The following SYNE2 variants were observed in gnomAD, a reference collection of about 807,000 sequenced individuals.
SYNE2 encodes spectrin repeat containing nuclear envelope protein 2.
In SYNE2, 431 loss-of-function variants were observed where a neutral mutation model predicts 856.3. The observed-to-expected ratio is 0.50, with a 90% CI of 0.47 to 0.55. The LOEUF is 0.55. Among genes scored for constraint, SYNE2 ranks in the 20% least tolerant of loss-of-function variants. The probability of loss-of-function intolerance (pLI) is 0.00; values close to 1 mark genes in which losing one functional copy is unlikely to be tolerated. For synonymous variants in SYNE2, 2,923 were observed against 2,872.3 expected, an observed-to-expected ratio of 1.02 and a Z score of -0.56; for missense variants, 8,129 against 8,023.2, an observed-to-expected ratio of 1.01 and a Z score of -0.50.
intron 1 of SYNE2, among the ~76,000 whole-genome samples, chr14:63,772,673 A>T (rs904241798): frequency 3.4e-5 from 5 of 148,148 alleles, no homozygotes; most frequent in Admixed American, 3.4e-4. Context: ...AACCCGGGAG[A>T]CAGAGGTTTC....
At chr14:64,214,038 G>A in intron 105 of SYNE2, 156 bp from the exon 106 acceptor site, 1 of 1,129,408 alleles carries the variant, frequency 8.9e-7, no homozygotes, top group Non-Finnish European at 1.2e-6. Flanking sequence ...GGAATAACCA[G>A]AAACAGGACC....
chr14:64,225,201 T>C, intron 115 of SYNE2, 118 bp from the exon 116 acceptor site: 1 of 1,569,318 alleles, frequency 6.4e-7, no homozygotes, highest in South Asian at 1.1e-5. Flanking sequence ...CCCCAACTGT[T>C]GGCCCTATTT....
chr14:64,198,686 G>C (rs140090182), intron 99 of SYNE2, among the ~76,000 whole-genome samples: 2 of 151,998 alleles, frequency 1.3e-5, no homozygotes, highest in Non-Finnish European at 2.9e-5. Context: ...GTGAATGTCC[G>C]TCACTGCTTC....
At position 64,219,124 on chromosome 14, in the gene SYNE2, T is replaced by TTTA. The variant is rs369808458; in HGVS notation, c.19658-84_19658-83insTTA. ...TTTTTGTTTTTTTTTTTTTTTTTTT[T>TTTA]AACCACCCTGACCCCTAATTAGCTG... On this transcript the variant is annotated intron_variant, in intron 109 of 115. Coordinates refer to ENST00000555002, the MANE Select transcript of SYNE2 (RefSeq NM_182914.3). 4.4e-3 allele frequency: 3,697 copies of TTTA among 842,480 alleles called. 15 individuals are homozygous for TTTA. Among genetic ancestry groups the TTTA allele is most frequent in the African/African-American group, 0.011 (617 of 54,018 alleles). 52.2% of individuals were successfully genotyped at this position (842,480 alleles called of 1,614,324 possible). A position where few individuals can be genotyped will look rare whatever the true frequency, so the allele number is the denominator to read the frequency against.
At chr14:63,819,035 C>T (rs369821534) in intron 1 of SYNE2, among the ~76,000 whole-genome samples, 3 of 150,700 alleles carry the variant, frequency 2.0e-5, no homozygotes, top group African/African-American at 7.3e-5. Context: ...GGAGTTCTAG[C>T]CAGTGCAATA....
At chr14:64,202,237 C>T (rs761620814) in intron 99 of SYNE2, 36 of 702,218 alleles carry the variant, frequency 5.1e-5, no homozygotes, top group Admixed American at 8.0e-5. Flanking sequence ...TCAATGTATA[C>T]GGCTGGGTGA....
At chr14:64,061,544 T>G (rs541493726) in intron 49 of SYNE2, among the ~76,000 whole-genome samples, 1 of 152,336 alleles carries the variant, frequency 6.6e-6, no homozygotes, top group Admixed American at 6.5e-5. Context: ...AGACTCAATT[T>G]TTGCCAATCT....
Position 64,008,434 on chromosome 14 carries a change from T to C in SYNE2, c.4577+1212T>C, listed in dbSNP as rs78367621. Among the ~76,000 whole-genome samples, 159 of 152,344 alleles carry C rather than the reference T, an allele frequency of 1.0e-3. 3 individuals carry two copies. In the East Asian group the frequency reaches 0.015, roughly 14 times the overall value. ...CTGAATGGGAGATGTTGCCTGTCAA[T>C]AACGGCTGCGTTTCCTGCAGAGTTG... On this transcript the variant is annotated intron_variant, in intron 31 of 115. Coordinates refer to ENST00000555002, the MANE Select transcript of SYNE2 (RefSeq NM_182914.3).
At chr14:64,129,050 G>A (rs1160211895) in intron 74 of SYNE2, among the ~76,000 whole-genome samples, 3 of 152,244 alleles carry the variant, frequency 2.0e-5, no homozygotes, top group African/African-American at 7.2e-5. Context: ...GCTCACGCCT[G>A]TAATCCCAGC....
chr14:64,219,511 G>A (rs955154836), intron 110 of SYNE2, 101 bp downstream of exon 110: 7 of 1,136,010 alleles, frequency 6.2e-6, no homozygotes, highest in Middle Eastern at 2.5e-4. Context: ...CATAGGCGCA[G>A]CTTGCAGATG....
At chr14:63,903,157 A>G (rs2095361339) in intron 1 of SYNE2, among the ~76,000 whole-genome samples, 1 of 152,232 alleles carries the variant, frequency 6.6e-6, no homozygotes, top group Admixed American at 6.5e-5. Flanking sequence ...TTGTGTTGGA[A>G]ATGTCATCAA....
chr14:63,933,635 A>G (rs369079460), intron 2 of SYNE2, among the ~76,000 whole-genome samples: 1 of 152,216 alleles, frequency 6.6e-6, no homozygotes, highest in African/African-American at 2.4e-5. Flanking sequence ...ATTTTCCTAC[A>G]TTATGTATAT....
At position 64,225,628 on chromosome 14, in the gene SYNE2, C is replaced by G. The variant is rs144982869; in HGVS notation, c.*102C>G. 1.1e-5 allele frequency: 14 copies of G among 1,307,788 alleles called. No homozygotes were observed. The highest frequency in any genetic ancestry group is 1.4e-5 in the Non-Finnish European group (13 of 923,058). The allele number at this position is 1,307,788 out of a possible 1,614,324, so 81.0% of individuals were successfully genotyped here. ...GAGTGACTTAGTGTTGGCAAGGTCC[C>G]GGGACCTGTGCAGACTTCTTCTGGG... On this transcript the variant is annotated 3_prime_UTR_variant, in exon 116 of 116. Transcript: ENST00000555002.
rs940368501 is a variant in SYNE2 at position 63,981,136 on chromosome 14, C to T, written c.1799C>T (p.Ala600Val). The stretch of plus-strand genomic sequence containing the variant: ...GTGGAAAACCTTCGCTTACTAAGGG[C>T]TTGCTTTGAGGAGACAAAGAAGGAA... ...TYVENLRLLR[A>V]CFEETKKEEI... is the part of the protein sequence containing the mutation. The change falls in exon 16 of 116, where the codon GCT becomes GTT. Residue 600 changes from alanine to valine, a missense_variant. Ala to Val is a moderately conservative substitution (Grantham distance 64, BLOSUM62 0). Transcript: ENST00000555002. 5.0e-6 allele frequency: 8 copies of T among 1,613,764 alleles called. No homozygotes were observed. In the African/African-American group the frequency reaches 1.1e-4, roughly 22 times the overall value.
At chr14:63,920,276 G>T (rs532861290) in intron 2 of SYNE2, among the ~76,000 whole-genome samples, 1 of 151,746 alleles carries the variant, frequency 6.6e-6, no homozygotes, top group Non-Finnish European at 1.5e-5. Context: ...AGTATGGAGT[G>T]GGAGTACCTA....
rs768330126 is a variant in SYNE2 at position 63,980,982 on chromosome 14, G to A, written c.1649-4G>A. The A allele has an allele frequency of 5.2e-6, 8 of 1,537,852 alleles. No individual in the cohort carries two copies. Among genetic ancestry groups the A allele is most frequent in the Non-Finnish European group, 5.4e-6 (6 of 1,119,682 alleles). On this transcript the variant is annotated splice_polypyrimidine_tract_variant and splice_region_variant and intron_variant, in intron 15 of 115. Transcript: ENST00000555002. The stretch of plus-strand genomic sequence containing the variant: ...ATTACTTTTTTGTTTTGTTAATATT[G>A]TAGCTGGAGAATGTCAGAATATTAA...
intron 7 of SYNE2, among the ~76,000 whole-genome samples, chr14:63,953,111 C>T (rs765491106): frequency 8.5e-5 from 13 of 152,146 alleles, no homozygotes; most frequent in Non-Finnish European, 1.6e-4. Context: ...AGCCCTTGCT[C>T]TCAAAGGCTT....
intron 1 of SYNE2, among the ~76,000 whole-genome samples, chr14:63,791,965 A>G (rs573686074): frequency 6.6e-6 from 1 of 151,614 alleles, no homozygotes; most frequent in Admixed American, 6.6e-5. Context: ...CAAAAACAAA[A>G]CTTAAAAATG....
intron 1 of SYNE2, among the ~76,000 whole-genome samples, chr14:63,813,256 T>C (rs1428621096): frequency 6.6e-6 from 1 of 152,244 alleles, no homozygotes; most frequent in African/African-American, 2.4e-5. Flanking sequence ...ATTAGTCTTA[T>C]TGTCATTGTC....
Sources: allele counts gnomAD v4.1 joint callset (sites outside exome capture counted in the v4.1 genomes callset), GRCh38; gene constraint gnomAD v4.1.1; transcripts MANE v1.5; gene names NCBI Gene and HGNC (gene_info 2026-07-23, HGNC 2026-07-21).